IL1RAPL2: variants seen among roughly 807,000 people sequenced by gnomAD.
IL1RAPL2 encodes the protein interleukin 1 receptor accessory protein like 2.
IL1RAPL2 carries 3 observed loss-of-function variants against 44.1 expected under a neutral mutation model. The observed-to-expected ratio is 0.07, with a 90% CI of 0.03 to 0.18. IL1RAPL2 has a LOEUF of 0.18. Ranked by LOEUF, IL1RAPL2 falls within the 10% of genes least tolerant of loss-of-function variation. The probability of loss-of-function intolerance (pLI) is 1.00; values close to 1 mark genes in which losing one functional copy is unlikely to be tolerated. For missense variants in IL1RAPL2, 391 were observed against 496.4 expected (o/e 0.79, Z 2.02); for synonymous variants, 181 against 178.8 (o/e 1.01, Z -0.10).
At chrX:105,223,011 G>A (rs1054905655) in intron 3 of IL1RAPL2, among the ~76,000 whole-genome samples, 1 of 110,661 alleles carries the variant, frequency 9.0e-6, no homozygotes, top group African/African-American at 3.3e-5. Flanking sequence ...TTAGCTGGGC[G>A]TAATGGCGCA....
intron 1 of IL1RAPL2, among the ~76,000 whole-genome samples, chrX:104,633,549 T>A (rs1216122857): frequency 8.9e-6 from 1 of 112,028 alleles, no homozygotes; most frequent in East Asian, 2.8e-4. Flanking sequence ...GAGATTCAGC[T>A]TCTTCCTGGT....
chrX:105,266,297 C>T (rs909604377), intron 4 of IL1RAPL2, among the ~76,000 whole-genome samples: 1 of 110,993 alleles, frequency 9.0e-6, no homozygotes, highest in Admixed American at 9.7e-5. Flanking sequence ...CTGCCTCAGC[C>T]TCCCAAAGTG....
intron 5 of IL1RAPL2, among the ~76,000 whole-genome samples, chrX:105,482,977 A>G (rs1413793532): frequency 9.2e-6 from 1 of 108,862 alleles, no homozygotes; most frequent in African/African-American, 3.4e-5. Context: ...TACACATGAC[A>G]TTATGTATCT....
chrX:104,776,078 T>C (rs748131662), intron 2 of IL1RAPL2, among the ~76,000 whole-genome samples: 2 of 112,136 alleles, frequency 1.8e-5, no homozygotes, highest in Admixed American at 1.9e-4. Flanking sequence ...CCTTGACAAC[T>C]TACTAATTTA....
At chrX:105,334,067 C>T (rs922744989) in intron 5 of IL1RAPL2, among the ~76,000 whole-genome samples, 1 of 112,287 alleles carries the variant, frequency 8.9e-6, no homozygotes, top group East Asian at 2.8e-4. Context: ...GAGATATCTA[C>T]ACTCCAGTGT....
chrX:104,948,107 T>C (rs1449687840), intron 2 of IL1RAPL2, among the ~76,000 whole-genome samples: 1 of 107,871 alleles, frequency 9.3e-6, no homozygotes, highest in Non-Finnish European at 1.9e-5. Flanking sequence ...CAGTGGTTTG[T>C]AGTTCTCCTT....
intron 1 of IL1RAPL2, among the ~76,000 whole-genome samples, chrX:104,601,265 C>T (rs1173478502): frequency 6.3e-5 from 7 of 110,381 alleles, no homozygotes; most frequent in Non-Finnish European, 1.3e-4. Context: ...TCTCCTAATG[C>T]TATCCTCCCC....
At chrX:104,570,444 C>A (rs191007072) in intron 1 of IL1RAPL2, among the ~76,000 whole-genome samples, 1 of 111,763 alleles carries the variant, frequency 8.9e-6, no homozygotes. Flanking sequence ...AATCCCAGCA[C>A]TTTGGGAGGC....
intron 5 of IL1RAPL2, among the ~76,000 whole-genome samples, chrX:105,479,578 A>G (rs1900062976): frequency 1.8e-5 from 2 of 108,595 alleles, no homozygotes; most frequent in Middle Eastern, 4.8e-3. Context: ...TGTCTCTACT[A>G]AAAATACAAA....
intron 5 of IL1RAPL2, among the ~76,000 whole-genome samples, chrX:105,467,589 G>T (rs1266482646): frequency 9.0e-6 from 1 of 110,876 alleles, no homozygotes; most frequent in Non-Finnish European, 1.9e-5. Context: ...GCAGTCCAGG[G>T]TTGGTATAGT....
chrX:105,368,931 G>C (rs745794675), intron 5 of IL1RAPL2, among the ~76,000 whole-genome samples: 3 of 108,651 alleles, frequency 2.8e-5, no homozygotes, highest in Non-Finnish European at 5.7e-5. Flanking sequence ...CTGTCTTCCT[G>C]TCTTCTTCTG....
At chrX:105,012,084 GATA>G (rs1208109180) in intron 2 of IL1RAPL2, among the ~76,000 whole-genome samples, 1 of 111,291 alleles carries the variant, frequency 9.0e-6, no homozygotes, top group African/African-American at 3.3e-5. Context: ...GAATTCAAAA[GATA>G]ATGTTTTGGT....
chrX:104,906,853 A>G (rs916615328), intron 2 of IL1RAPL2, among the ~76,000 whole-genome samples: 1 of 111,585 alleles, frequency 9.0e-6, no homozygotes, highest in Non-Finnish European at 1.9e-5. Flanking sequence ...CTCTTTTTCT[A>G]TTGATTGGAA....
intron 6 of IL1RAPL2, among the ~76,000 whole-genome samples, chrX:105,661,712 G>T (rs1024388479): frequency 8.9e-6 from 1 of 111,964 alleles, no homozygotes; most frequent in African/African-American, 3.2e-5. Context: ...ATTTCTGTCC[G>T]CTGATTCACA....
At chrX:104,877,475 G>T (rs1198741477) in intron 2 of IL1RAPL2, among the ~76,000 whole-genome samples, 1 of 112,147 alleles carries the variant, frequency 8.9e-6, no homozygotes, top group African/African-American at 3.2e-5. Context: ...TACCAAAGCC[G>T]GGCAGAGACA....
At chrX:104,829,245 A>C (rs1921544941) in intron 2 of IL1RAPL2, among the ~76,000 whole-genome samples, 1 of 111,842 alleles carries the variant, frequency 8.9e-6, no homozygotes, top group Non-Finnish European at 1.9e-5. Context: ...CTTGAAACCC[A>C]GGGCTCTTGT....
chrX:105,586,686 C>G (rs922874633), intron 6 of IL1RAPL2, among the ~76,000 whole-genome samples: 3 of 111,933 alleles, frequency 2.7e-5, no homozygotes, highest in Non-Finnish European at 3.8e-5. Context: ...GCTGCAAAGA[C>G]TTTTCTGCCT....
At chrX:105,075,357 T>C (rs186974963) in intron 2 of IL1RAPL2, among the ~76,000 whole-genome samples, 1 of 111,884 alleles carries the variant, frequency 8.9e-6, no homozygotes, top group African/African-American at 3.3e-5. Flanking sequence ...TTGTTTTGCA[T>C]ATGTTGAACC....
chrX:104,984,442 C>G (rs2030522586), intron 2 of IL1RAPL2, among the ~76,000 whole-genome samples: 1 of 111,641 alleles, frequency 9.0e-6, no homozygotes, highest in African/African-American at 3.3e-5. Flanking sequence ...GAAACCTGTT[C>G]TTTGCCTTCA....
Sources: allele counts gnomAD v4.1 joint callset (sites outside exome capture counted in the v4.1 genomes callset), GRCh38; gene constraint gnomAD v4.1.1; transcripts MANE v1.5; gene names NCBI Gene and HGNC (gene_info 2026-07-23, HGNC 2026-07-21).